CADM1: variants seen among roughly 807,000 people sequenced by gnomAD.
The protein encoded by CADM1 is cell adhesion molecule 1.
In CADM1, 15 loss-of-function variants were observed where a neutral mutation model predicts 53.1. The ratio of observed to expected loss-of-function variants is 0.28; its 90% confidence interval spans 0.19 to 0.44. CADM1 has a LOEUF of 0.44. CADM1 is among the 20% of genes least tolerant of loss of function. CADM1 has a pLI of 1.00. For missense variants in CADM1, 434 were observed against 611.3 expected (o/e 0.71, Z 3.06); for synonymous variants, 281 against 243.0 (o/e 1.16, Z -1.45).
At chr11:115,371,430 C>T (rs1254167982) in intron 1 of CADM1, among the ~76,000 whole-genome samples, 2 of 151,778 alleles carry the variant, frequency 1.3e-5, no homozygotes, top group African/African-American at 4.8e-5. Flanking sequence ...CAAAGAATTA[C>T]AGCTAATAAA....
rs1366200425 is a variant in CADM1, at chr11:115,444,222, A to G, written c.124+60049T>C. ...AAAATGCATTCCAGAAGAAATCAGT[A>G]AAGAGTTAATAAAGCCTTCTGCAAA... is the stretch of plus-strand genomic sequence containing the variant. On this transcript the variant is annotated intron_variant, in intron 1 of 11. Transcript: ENST00000331581. 1.3e-5 allele frequency among the ~76,000 whole-genome samples: 2 copies of G among 152,228 alleles called. 1 individual carries two copies. Among genetic ancestry groups the G allele is most frequent in the African/African-American group, 4.8e-5 (2 of 41,460 alleles).
intron 1 of CADM1, among the ~76,000 whole-genome samples, chr11:115,299,643 T>G (rs896901400): frequency 1.6e-4 from 25 of 152,180 alleles, no homozygotes; most frequent in Non-Finnish European, 2.9e-4. Context: ...ATTCTTATAT[T>G]CCTGCAGAGT....
intron 1 of CADM1, among the ~76,000 whole-genome samples, chr11:115,392,561 G>T (rs930168953): frequency 6.6e-6 from 1 of 152,008 alleles, no homozygotes; most frequent in African/African-American, 2.4e-5. Context: ...AAAACCAAAT[G>T]GTTAATAAAC....
At chr11:115,279,719 T>G (rs1943537009) in intron 1 of CADM1, among the ~76,000 whole-genome samples, 1 of 152,186 alleles carries the variant, frequency 6.6e-6, no homozygotes, top group South Asian at 2.1e-4. Context: ...AAAAGCTTTT[T>G]GTCAAGGATG....
chr11:115,374,785 G>C (rs1197501411), intron 1 of CADM1, among the ~76,000 whole-genome samples: 1 of 152,036 alleles, frequency 6.6e-6, no homozygotes, highest in East Asian at 1.9e-4. Flanking sequence ...GGCAATTATG[G>C]GACAAGCAGT....
chr11:115,434,553 T>C (rs1221421239), intron 1 of CADM1, among the ~76,000 whole-genome samples: 4 of 152,190 alleles, frequency 2.6e-5, no homozygotes, highest in East Asian at 1.9e-4. Flanking sequence ...TGGTTTCTTT[T>C]ATAAAACAGA....
At chr11:115,199,359 G>T (rs1406182326) in intron 8 of CADM1, among the ~76,000 whole-genome samples, 1 of 152,054 alleles carries the variant, frequency 6.6e-6, no homozygotes, top group Non-Finnish European at 1.5e-5. Context: ...TTTTGTTTTT[G>T]TTTTTTTCTT....
chr11:115,186,464 A>G (rs573232688), intron 10 of CADM1, among the ~76,000 whole-genome samples: 14 of 152,280 alleles, frequency 9.2e-5, no homozygotes, highest in African/African-American at 3.1e-4. Flanking sequence ...AAAAGGGTCA[A>G]GAGGATTACC....
chr11:115,202,626 T>A (rs1940488162), intron 8 of CADM1, among the ~76,000 whole-genome samples: 1 of 152,186 alleles, frequency 6.6e-6, no homozygotes, highest in South Asian at 2.1e-4. Flanking sequence ...TAAGCCTAAA[T>A]GAAAGCATAC....
intron 1 of CADM1, among the ~76,000 whole-genome samples, chr11:115,313,268 A>T (rs987511362): frequency 2.6e-5 from 4 of 152,188 alleles, no homozygotes; most frequent in African/African-American, 9.6e-5. Flanking sequence ...ACAAATCTAC[A>T]AAAATGTCCC....
chr11:115,411,553 C>T (rs763751025), intron 1 of CADM1, among the ~76,000 whole-genome samples: 17 of 152,144 alleles, frequency 1.1e-4, no homozygotes, highest in Non-Finnish European at 2.1e-4. Context: ...AGAAGGCCTA[C>T]CCAGTAGGGA....
At chr11:115,383,562 T>G (rs1044612129) in intron 1 of CADM1, among the ~76,000 whole-genome samples, 1 of 152,234 alleles carries the variant, frequency 6.6e-6, no homozygotes, top group Non-Finnish European at 1.5e-5. Context: ...AGCTTTATGA[T>G]TCAGCTGCCT....
At chr11:115,193,107 A>G (rs936293146) in intron 9 of CADM1, among the ~76,000 whole-genome samples, 2 of 152,232 alleles carry the variant, frequency 1.3e-5, no homozygotes, top group Admixed American at 6.5e-5. Context: ...GATTTGGCTT[A>G]GGTATTTTTC....
chr11:115,253,794 G>C (rs1942685989), intron 1 of CADM1, among the ~76,000 whole-genome samples: 1 of 152,162 alleles, frequency 6.6e-6, no homozygotes, highest in African/African-American at 2.4e-5. Context: ...TGACTGCCCA[G>C]GTTTCTTGAT....
rs1237639312 is a variant in CADM1 at position 115,240,264 on chromosome 11, G to A, written c.271+10C>T. On this transcript the variant is annotated intron_variant, in intron 2 of 11. Coordinates refer to ENST00000331581, the MANE Select transcript of CADM1 (RefSeq NM_001301043.2). ...AGTTGCCATCTACAACTATAGAGAT[G>A]GAAACTTACGCCTGAAGTCCCTGAA... The A allele has an allele frequency of 6.2e-7, 1 of 1,613,064 alleles. No homozygotes were observed. The highest frequency in any genetic ancestry group is 2.2e-5 in the East Asian group (1 of 44,832).
intron 1 of CADM1, among the ~76,000 whole-genome samples, chr11:115,394,419 G>C (rs1946936452): frequency 6.6e-6 from 1 of 151,992 alleles, no homozygotes; most frequent in South Asian, 2.1e-4. Flanking sequence ...TAGCTCCAGA[G>C]GGAAAATCAT....
At chr11:115,196,237 C>T (rs978361532) in intron 9 of CADM1, among the ~76,000 whole-genome samples, 2 of 152,118 alleles carry the variant, frequency 1.3e-5, no homozygotes, top group Non-Finnish European at 2.9e-5. Context: ...TTCTCTCTCT[C>T]CAGGGAAAGA....
At chr11:115,277,707 C>T (rs1943481729) in intron 1 of CADM1, among the ~76,000 whole-genome samples, 1 of 152,112 alleles carries the variant, frequency 6.6e-6, no homozygotes, top group Non-Finnish European at 1.5e-5. Context: ...CTCTCATACT[C>T]GTCATCAAAT....
intron 1 of CADM1, among the ~76,000 whole-genome samples, chr11:115,463,161 A>C (rs564698088): frequency 5.3e-5 from 8 of 152,032 alleles, no homozygotes; most frequent in Non-Finnish European, 1.2e-4. Flanking sequence ...GGACTCACCA[A>C]CCTCCTGAAG....
Sources: allele counts gnomAD v4.1 joint callset (sites outside exome capture counted in the v4.1 genomes callset), GRCh38; gene constraint gnomAD v4.1.1; transcripts MANE v1.5; gene names NCBI Gene and HGNC (gene_info 2026-07-23, HGNC 2026-07-21).